The following LRP5 variants were observed in gnomAD, a reference collection of about 807,000 sequenced individuals.
LRP5 encodes LDL receptor related protein 5.
LRP5 carries 62 observed loss-of-function variants against 154.1 expected under a neutral mutation model. The observed-to-expected ratio is 0.40, with a 90% CI of 0.33 to 0.50. LRP5 has a LOEUF of 0.50. Ranked by LOEUF, LRP5 falls within the 20% of genes least tolerant of loss-of-function variation. The pLI, the probability that LRP5 is intolerant of heterozygous loss-of-function variation, is 0.55. For missense variants in LRP5, 1,915 were observed against 2,336.7 expected, an observed-to-expected ratio of 0.82 and a Z score of 3.72; for synonymous variants, 966 against 1,011.5, an observed-to-expected ratio of 0.96 and a Z score of 0.85.
chr11:68,423,393 A>ACCAGTGCCCGGGGGTCTCCG lies in LRP5; in HGVS notation c.3028-87_3028-68dup, dbSNP rs1565100543. The ACCAGTGCCCGGGGGTCTCCG allele has an allele frequency of 2.6e-6, 3 of 1,167,808 alleles. No homozygotes were observed. The highest frequency in any genetic ancestry group is 2.4e-4 in the Middle Eastern group (1 of 4,164). 72.3% of individuals were successfully genotyped at this position (1,167,808 alleles called of 1,614,324 possible). On this transcript the variant is annotated intron_variant, in intron 13 of 22. Transcript: ENST00000294304. The surrounding 1 kb of genome is among the most constrained non-coding windows in gnomAD (Gnocchi z 4.7). ...CTCCAGCCAGTGCCCGGGGGTCTCC[A>ACCAGTGCCCGGGGGTCTCCG]CCAGTGCCCGGGGGTCTCCGCCAGT...
Position 68,406,670 on chromosome 11 carries a change from A to G in LRP5, c.1948A>G (p.Thr650Ala), listed in dbSNP as rs756999448. 35 of 1,614,022 alleles carry G rather than the reference A, an allele frequency of 2.2e-5. No homozygotes were observed. Among genetic ancestry groups the G allele is most frequent in the Non-Finnish European group, 3.0e-5 (35 of 1,180,052 alleles). ...CIVPEAFLVF[T>A]SRAAIHRISL... ...CGTGCCTGAGGCCTTCTTGGTCTTC[A>G]CCAGCAGAGCCGCCATCCACAGGAT... is the stretch of plus-strand genomic sequence containing the variant. Residue 650 changes from threonine to alanine, a missense_variant, in exon 9 of 23, where the codon ACC becomes GCC. Coordinates refer to ENST00000294304, the MANE Select transcript of LRP5 (RefSeq NM_002335.4).
At chr11:68,443,939 G>A (rs1162185418) in intron 21 of LRP5, among the ~76,000 whole-genome samples, 7 of 151,750 alleles carry the variant, frequency 4.6e-5, no homozygotes, top group Admixed American at 6.6e-5. Flanking sequence ...GATTACAGAC[G>A]TGAGCCACCA....
At chr11:68,371,596 CTGCAGG>C (rs1160728632) in intron 5 of LRP5, among the ~76,000 whole-genome samples, 4 of 152,264 alleles carry the variant, frequency 2.6e-5, no homozygotes, top group African/African-American at 9.6e-5. Context: ...GCTTTCCAGG[CTGCAGG>C]TGCCCATTGG....
intron 13 of LRP5, among the ~76,000 whole-genome samples, chr11:68,418,613 C>T (rs2098663896): frequency 6.6e-6 from 1 of 152,158 alleles, no homozygotes; most frequent in Non-Finnish European, 1.5e-5. Flanking sequence ...AGGCTGGACG[C>T]CCCTTTCCAC....
At chr11:68,385,396 G>A (rs1046852352) in intron 5 of LRP5, among the ~76,000 whole-genome samples, 5 of 152,160 alleles carry the variant, frequency 3.3e-5, no homozygotes. Flanking sequence ...CGTTGGAAGT[G>A]TGTGGACAGT....
Position 68,413,463 on chromosome 11 carries a change from C to G in LRP5, c.2504-226C>G, listed in dbSNP as rs1338054170. Among the ~76,000 whole-genome samples, 2 of 152,178 alleles carry G rather than the reference C, an allele frequency of 1.3e-5. No individual in the cohort carries two copies. The highest frequency in any genetic ancestry group is 3.9e-4 in the East Asian group (2 of 5,188). On this transcript the variant is annotated intron_variant, in intron 11 of 22. Transcript: ENST00000294304. The surrounding 1 kb of genome is among the most constrained non-coding windows in gnomAD (Gnocchi z 5.1). Reference sequence around the variant, plus strand: ...CTCGCTGCCTGGGTGGTAATCCTGGCCCTGCCACTTAGCAACTGTGTGACT... The same window carrying G: ...CTCGCTGCCTGGGTGGTAATCCTGGGCCTGCCACTTAGCAACTGTGTGACT...
chr11:68,316,465 T>G (rs1414211858), intron 1 of LRP5, among the ~76,000 whole-genome samples: 1 of 152,148 alleles, frequency 6.6e-6, no homozygotes, highest in Non-Finnish European at 1.5e-5. Flanking sequence ...AGAGACGGGA[T>G]TTCACCATGT....
At chr11:68,440,504 A>G (rs1591330956) in intron 21 of LRP5, among the ~76,000 whole-genome samples, 1 of 152,188 alleles carries the variant, frequency 6.6e-6, no homozygotes, top group Non-Finnish European at 1.5e-5. Flanking sequence ...CTGGCTGGGG[A>G]GAACCCCCGT....
intron 1 of LRP5, among the ~76,000 whole-genome samples, chr11:68,347,600 AC>A (rs1043011826): frequency 6.6e-6 from 1 of 152,170 alleles, no homozygotes; most frequent in Non-Finnish European, 1.5e-5. Context: ...CAGTTGGTAA[AC>A]AAACAGGTGC....
At chr11:68,328,322 A>G (rs1475033314) in intron 1 of LRP5, among the ~76,000 whole-genome samples, 1 of 152,208 alleles carries the variant, frequency 6.6e-6, no homozygotes, top group African/African-American at 2.4e-5. Flanking sequence ...GCATGTCTTT[A>G]TTATTATTAT....
chr11:68,319,511 A>G (rs1418125345), intron 1 of LRP5, among the ~76,000 whole-genome samples: 1 of 148,014 alleles, frequency 6.8e-6, no homozygotes, highest in Non-Finnish European at 1.5e-5. Context: ...CGCTGTGCCC[A>G]GCCTATTTTA....
chr11:68,426,166 G>A lies in LRP5; in HGVS notation c.3616G>A (p.Glu1206Lys). Residue 1206 changes from glutamate (E) to lysine (K), a missense_variant, in exon 16 of 23, where the codon GAA (glutamate) becomes AAA (lysine). Physicochemically the swap from Glu to Lys is moderately conservative, Grantham distance 56. Around this residue, in one of 3 missense-constraint regions of LRP5, gnomAD observed 1,094 missense variants for 1,210.1 expected, o/e 0.90. Coordinates refer to ENST00000294304, the MANE Select transcript of LRP5 (RefSeq NM_002335.4). Reference protein sequence around the residue: ...AHLTGIHAVEEVSLEEFSAHP... With the variant: ...AHLTGIHAVEKVSLEEFSAHP... ...CCTCACTGGCATCCATGCAGTGGAG[G>A]AAGTCAGCCTGGAGGAGTTCTGTAC... is the stretch of plus-strand genomic sequence containing the variant. 2 of 1,612,154 alleles carry A rather than the reference G, an allele frequency of 1.2e-6. No homozygotes were observed. Among genetic ancestry groups the A allele is most frequent in the Non-Finnish European group, 8.5e-7 (1 of 1,179,998 alleles).
intron 5 of LRP5, among the ~76,000 whole-genome samples, chr11:68,376,284 C>T (rs1251056931): frequency 2.0e-5 from 3 of 150,986 alleles, no homozygotes; most frequent in Admixed American, 6.6e-5. Flanking sequence ...TGAGCTCAAG[C>T]GATTATCCTG....
intron 2 of LRP5, among the ~76,000 whole-genome samples, chr11:68,355,896 G>T (rs536599572): frequency 6.6e-6 from 1 of 152,162 alleles, no homozygotes; most frequent in Admixed American, 6.5e-5. Flanking sequence ...TGAGAGTGCA[G>T]TGGTGTGATC....
chr11:68,378,049 T>A (rs2098638331), intron 5 of LRP5, among the ~76,000 whole-genome samples: 1 of 152,140 alleles, frequency 6.6e-6, no homozygotes, highest in African/African-American at 2.4e-5. Flanking sequence ...GCAGGGAGGT[T>A]GTGACATCCA....
At chr11:68,361,636 C>G (rs1211475510) in intron 3 of LRP5, among the ~76,000 whole-genome samples, 1 of 150,070 alleles carries the variant, frequency 6.7e-6, no homozygotes, top group Non-Finnish European at 1.5e-5. Context: ...GACTCTGTCT[C>G]AAAAAAACAA....
intron 7 of LRP5, among the ~76,000 whole-genome samples, chr11:68,393,025 G>T (rs1368236415): frequency 6.6e-6 from 1 of 151,930 alleles, no homozygotes; most frequent in Non-Finnish European, 1.5e-5. Flanking sequence ...AGCTACCTGG[G>T]AGGCTGAGGT....
At chr11:68,340,763 G>A (rs2098608472) in intron 1 of LRP5, among the ~76,000 whole-genome samples, 1 of 152,020 alleles carries the variant, frequency 6.6e-6, no homozygotes, top group Non-Finnish European at 1.5e-5. Context: ...TATGGAATTT[G>A]GAATTAAAAA....
chr11:68,330,572 T>C (rs1168350456), intron 1 of LRP5, among the ~76,000 whole-genome samples: 55 of 152,260 alleles, frequency 3.6e-4, no homozygotes, highest in Admixed American at 3.6e-3. Flanking sequence ...GGCAAGGACT[T>C]GCCTGGGGTC....
Sources: allele counts gnomAD v4.1 joint callset (sites outside exome capture counted in the v4.1 genomes callset), GRCh38; gene constraint gnomAD v4.1.1; regional missense constraint gnomAD v4.1.1; non-coding constraint Gnocchi (gnomAD v3.1); transcripts MANE v1.5; gene names NCBI Gene and HGNC (gene_info 2026-07-23, HGNC 2026-07-21).